Variants in CFAP161 observed in about 807,000 individuals in gnomAD.
CFAP161 encodes cilia- and flagella-associated protein 161.
A neutral mutation model predicts 29.0 loss-of-function variants in CFAP161; 25 were observed. That is an observed-to-expected ratio of 0.86 (90% confidence interval 0.63 to 1.20). The LOEUF (loss-of-function observed/expected upper bound fraction) is 1.20, where lower values mean the gene tolerates loss of function less well. Ranked by LOEUF, CFAP161 falls within the 50% of genes most tolerant of loss-of-function variation. CFAP161 has a pLI of 0.00. For synonymous variants in CFAP161, 116 were observed against 137.4 expected, an observed-to-expected ratio of 0.84 and a Z score of 1.09; for missense variants, 367 against 371.9, an observed-to-expected ratio of 0.99 and a Z score of 0.11.
intron 1 of CFAP161, among the ~76,000 whole-genome samples, chr15:81,109,101 C>T (rs1452550771): frequency 1.3e-5 from 2 of 152,112 alleles, no homozygotes; most frequent in Non-Finnish European, 2.9e-5. Flanking sequence ...TGTTTATCTG[C>T]TCATGCTCTG....
chr15:81,116,831 A>G (rs958122796), intron 1 of CFAP161, among the ~76,000 whole-genome samples: 1 of 152,212 alleles, frequency 6.6e-6, no homozygotes, highest in Non-Finnish European at 1.5e-5. Flanking sequence ...GTAGCCAAAT[A>G]TTAGAGAAAA....
At chr15:81,130,532 C>G (rs552637404), upstream of CFAP161, among the ~76,000 whole-genome samples, 61 of 152,280 alleles carry the variant, frequency 4.0e-4, no homozygotes, top group African/African-American at 1.3e-3. Flanking sequence ...AACTCCCTCT[C>G]TACTAAAAAT....
intron 4 of CFAP161, among the ~76,000 whole-genome samples, chr15:81,142,151 T>C (rs1341406683): frequency 6.6e-6 from 1 of 152,116 alleles, no homozygotes; most frequent in Non-Finnish European, 1.5e-5. Flanking sequence ...TACTGCACTT[T>C]GGCCTGTTTC....
At position 81,147,776 on chromosome 15, in the gene CFAP161, T is replaced by C. The variant is rs544884526; in HGVS notation, c.637-82T>C. ...TAAATGTATAGTATAATCCCAAATT[T>C]TTGCTTTTAGGTAAGCTTTTCCCTA... On this transcript the variant is annotated intron_variant, in intron 5 of 6. Coordinates refer to ENST00000286732, the MANE Select transcript of CFAP161 (RefSeq NM_173528.4). The C allele has an allele frequency of 6.6e-6, 6 of 906,206 alleles. No homozygotes were observed. In the East Asian group the frequency reaches 8.0e-5, roughly 12 times the overall value. The allele number at this position is 906,206 out of a possible 1,614,324, so 56.1% of individuals were successfully genotyped here. A position where few individuals can be genotyped will look rare whatever the true frequency, so the allele number is the denominator to read the frequency against.
chr15:81,111,498 C>T (rs958958566), intron 1 of CFAP161, among the ~76,000 whole-genome samples: 3 of 152,246 alleles, frequency 2.0e-5, no homozygotes, highest in African/African-American at 7.2e-5. Context: ...GGCCTGTCTG[C>T]TTTAAATCCA....
rs532569548 is a variant in CFAP161, at chr15:81,148,724, G to T, written c.*191G>T. The T allele has an allele frequency of 4.0e-5, 19 of 474,400 alleles. No homozygotes were observed. The highest frequency in any genetic ancestry group is 6.8e-5 in the Non-Finnish European group (19 of 278,844). 29.4% of individuals were successfully genotyped at this position (474,400 alleles called of 1,614,324 possible). A position where few individuals can be genotyped will look rare whatever the true frequency, so the allele number is the denominator to read the frequency against. On this transcript the variant is annotated 3_prime_UTR_variant, in exon 7 of 7. Coordinates refer to ENST00000286732, the MANE Select transcript of CFAP161 (RefSeq NM_173528.4). Reference sequence around the variant, plus strand: ...GGGAGTCTAGGGCTGAAGAAAAACAGCTCTGGAGAATAATTAGTATTTGAA... The same window carrying T: ...GGGAGTCTAGGGCTGAAGAAAAACATCTCTGGAGAATAATTAGTATTTGAA...
rs569663051 is a variant in CFAP161 at position 81,135,189 on chromosome 15, C to T, written c.70-81C>T. The T allele has an allele frequency of 8.0e-6, 8 of 1,003,028 alleles. No individual in the cohort carries two copies. The East Asian group carries it at 1.8e-4, about 23-fold the overall frequency. The allele number at this position is 1,003,028 out of a possible 1,614,324, so 62.1% of individuals were successfully genotyped here. On this transcript the variant is annotated intron_variant, in intron 1 of 6. Transcript: ENST00000286732. Reference sequence around the variant, plus strand: ...TTGTACTCAAATTTTGCTTTTTCAACTTGGAAGAGCTTCTGACCTAAAAGT... The same window carrying T: ...TTGTACTCAAATTTTGCTTTTTCAATTTGGAAGAGCTTCTGACCTAAAAGT...
upstream of CFAP161, among the ~76,000 whole-genome samples, chr15:81,133,014 G>A (rs1359508236): frequency 6.6e-6 from 1 of 151,368 alleles, no homozygotes; most frequent in African/African-American, 2.4e-5. Flanking sequence ...TCAGAATGTG[G>A]GAATGTTCCT....
rs1257131351 is a variant in CFAP161, at chr15:81,141,667, T to C, written c.478-1995T>C. Reference sequence around the variant, plus strand: ...TTTAGGTGAACAAGGCAGTTTGTGGTTTGAGACAGATAGTATTTGCCTTTT... The same window carrying C: ...TTTAGGTGAACAAGGCAGTTTGTGGCTTGAGACAGATAGTATTTGCCTTTT... On this transcript the variant is annotated intron_variant, in intron 4 of 6. Transcript: ENST00000286732. Among the ~76,000 whole-genome samples the C allele has an allele frequency of 1.3e-5, 2 of 152,048 alleles. 1 individual carries two copies. Among genetic ancestry groups the C allele is most frequent in the South Asian group, 4.2e-4 (2 of 4,812 alleles).
At chr15:81,136,961 C>A (rs1353146607) in intron 3 of CFAP161, among the ~76,000 whole-genome samples, 1 of 152,134 alleles carries the variant, frequency 6.6e-6, no homozygotes, top group South Asian at 2.1e-4. Context: ...GTGTTCAATT[C>A]AAAATGCTTA....
At chr15:81,141,364 CTT>C (rs1264504653) in intron 4 of CFAP161, among the ~76,000 whole-genome samples, 2 of 152,166 alleles carry the variant, frequency 1.3e-5, no homozygotes, top group African/African-American at 4.8e-5. Context: ...GATAATTTCT[CTT>C]ATAAAAATAT....
chr15:81,117,427 C>T (rs183713460), intron 1 of CFAP161, among the ~76,000 whole-genome samples: 205 of 152,162 alleles, frequency 1.3e-3, no homozygotes, highest in African/African-American at 4.3e-3. Flanking sequence ...GGGGTGAAGT[C>T]CCTAAGCTCG....
intron 1 of CFAP161, among the ~76,000 whole-genome samples, chr15:81,115,735 A>G (rs1894489315): frequency 6.6e-6 from 1 of 152,138 alleles, no homozygotes; most frequent in African/African-American, 2.4e-5. Flanking sequence ...GCTGGAGTGC[A>G]GTGGAGTCAT....
intron 2 of CFAP161, among the ~76,000 whole-genome samples, chr15:81,135,875 A>G (rs892596119): frequency 6.6e-6 from 1 of 152,222 alleles, no homozygotes; most frequent in African/African-American, 2.4e-5. Flanking sequence ...GCAATTCCTC[A>G]GGGATCTAGA....
At chr15:81,142,241 A>G (rs1894922978) in intron 4 of CFAP161, among the ~76,000 whole-genome samples, 1 of 151,798 alleles carries the variant, frequency 6.6e-6, no homozygotes, top group Admixed American at 6.6e-5. Context: ...AGACCATACT[A>G]GACAGGGTGC....
At chr15:81,128,028 C>G (rs2141872835) in intron 2 of CFAP161, among the ~76,000 whole-genome samples, 1 of 152,202 alleles carries the variant, frequency 6.6e-6, no homozygotes, top group East Asian at 1.9e-4. Context: ...GACACCAGTC[C>G]AAGGTTGGAT....
chr15:81,146,117 G>C (rs1368987814), intron 5 of CFAP161, among the ~76,000 whole-genome samples: 2 of 152,094 alleles, frequency 1.3e-5, no homozygotes, highest in Admixed American at 1.3e-4. Context: ...TCTTGTTTTT[G>C]TTTTGACCCC....
chr15:81,134,136 C>G, upstream of CFAP161: 1 of 581,058 alleles, frequency 1.7e-6, no homozygotes, highest in Non-Finnish European at 3.0e-6. Flanking sequence ...GGAAGTGGGG[C>G]GGGCTGGAGG....
intron 1 of CFAP161, among the ~76,000 whole-genome samples, chr15:81,118,714 C>A (rs983987006): frequency 1.3e-5 from 2 of 152,258 alleles, no homozygotes; most frequent in Admixed American, 1.3e-4. Flanking sequence ...AGAGGCTGCA[C>A]GACCCGCCAG....
Sources: allele counts gnomAD v4.1 joint callset (sites outside exome capture counted in the v4.1 genomes callset), GRCh38; gene constraint gnomAD v4.1.1; transcripts MANE v1.5; gene names NCBI Gene and HGNC (gene_info 2026-07-23, HGNC 2026-07-21).